XIST: variants seen among roughly 807,000 people sequenced by gnomAD.
XIST encodes X inactive specific transcript, also known as X inactive specific transcript (non-protein coding).
rs753853402 is a variant in XIST, at chrX:73,826,023, A to C, written n.13878T>G. On this transcript the variant is annotated non_coding_transcript_exon_variant, in exon 6 of 6. Coordinates refer to ENST00000429829, the Ensembl canonical transcript of XIST. The stretch of plus-strand genomic sequence containing the variant: ...GGCCACTACTATGAGCAGGGAGTTC[A>C]GGCTGTCCCCTTGGGACCTCGCTTT... The C allele has an allele frequency of 5.4e-6, 3 of 559,186 alleles. No homozygotes were observed. The South Asian group carries it at 6.7e-5, about 12-fold the overall frequency. The allele number at this position is 559,186 out of a possible 1,213,427, so 46.1% of individuals were successfully genotyped here.
chrX:73,844,378 G>A lies in XIST; in HGVS notation n.8346C>T, dbSNP rs778537695. 7.2e-6 allele frequency: 4 copies of A among 558,556 alleles called. No homozygotes were observed. In the Admixed American group the frequency reaches 8.9e-5, roughly 12 times the overall value. The allele number at this position is 558,556 out of a possible 1,213,427, so 46.0% of individuals were successfully genotyped here. On this transcript the variant is annotated non_coding_transcript_exon_variant, in exon 1 of 6. Transcript: ENST00000429829. ...TACTCCTTGTTGAAAAGCAAAGGGA[G>A]TCCATGAGAAGGTGCCCTTATCTAG... is the stretch of plus-strand genomic sequence containing the variant.
At chrX:73,831,002 G>A (rs1167173947) in intron 4 of XIST, 1 of 518,864 alleles carries the variant, frequency 1.9e-6, no homozygotes, top group Non-Finnish European at 3.5e-6. Flanking sequence ...TAAGTGCAAT[G>A]TATACTGGAA....
In XIST at chrX:73,822,961, A is replaced by C. The variant is rs747317236; in HGVS notation, n.16940T>G. On this transcript the variant is annotated non_coding_transcript_exon_variant, in exon 6 of 6. Transcript: ENST00000429829. ...TTTCCACCATAAGATAAATGAGATA[A>C]AGTGCACTTTGGTTTACGTCTTTCA... 2.5e-5 allele frequency: 14 copies of C among 557,390 alleles called. No individual in the cohort carries two copies. In the East Asian group the frequency reaches 4.6e-4, roughly 18 times the overall value. 45.9% of individuals were successfully genotyped at this position (557,390 alleles called of 1,213,427 possible).
chrX:73,835,294 T>C (rs1203725127), intron 2 of XIST, among the ~76,000 whole-genome samples: 2 of 112,279 alleles, frequency 1.8e-5, no homozygotes, highest in African/African-American at 3.2e-5. Flanking sequence ...GCAAATGTTC[T>C]AGTTTTGTTG....
rs762276823 is a variant in XIST, at chrX:73,847,693, C to T, written n.5031G>A. 9 of 538,101 alleles carry T rather than the reference C, an allele frequency of 1.7e-5. No individual in the cohort carries two copies. In the South Asian group the frequency reaches 2.1e-4, roughly 13 times the overall value. The allele number at this position is 538,101 out of a possible 1,213,427, so 44.3% of individuals were successfully genotyped here. ...TTGAAATGTCTTAGACAATTGAAAT[C>T]AATTAGGCAATTGAAAATATGCACA... is the stretch of plus-strand genomic sequence containing the variant. On this transcript the variant is annotated non_coding_transcript_exon_variant, in exon 1 of 6. Transcript: ENST00000429829.
At chrX:73,826,802 T>C in exon 6 of XIST, 1 of 557,143 alleles carries the variant, frequency 1.8e-6, no homozygotes, top group South Asian at 2.2e-5. Flanking sequence ...CATCCTTGGG[T>C]TGTAGGTCTT....
exon 6 of XIST, chrX:73,827,494 A>G (rs1012106872): frequency 1.9e-6 from 1 of 535,316 alleles, no homozygotes; most frequent in Non-Finnish European, 3.4e-6. Flanking sequence ...TGAGGCACGC[A>G]GGGGAGGAGA....
exon 1 of XIST, chrX:73,851,937 G>A: frequency 1.8e-6 from 1 of 558,045 alleles, no homozygotes; most frequent in Non-Finnish European, 3.2e-6. Context: ...AAAAAAAAGT[G>A]TAGATATTCC....
exon 1 of XIST, chrX:73,843,320 G>A (rs766630454): frequency 3.1e-5 from 17 of 556,757 alleles, no homozygotes; most frequent in Non-Finnish European, 4.9e-5. Context: ...TGTAAGCAAC[G>A]AGGAAGCAGG....
chrX:73,845,676 T>C (rs1277619638), exon 1 of XIST: 16 of 548,880 alleles, frequency 2.9e-5, no homozygotes, highest in Non-Finnish European at 4.6e-5. Flanking sequence ...GGATGGGCCA[T>C]GTGCAGTTAC....
exon 1 of XIST, chrX:73,845,989 G>A (rs1922750982): frequency 1.8e-6 from 1 of 548,548 alleles, no homozygotes; most frequent in Admixed American, 2.3e-5. Context: ...AAGTGGTTAT[G>A]CACATTAATG....
exon 1 of XIST, chrX:73,844,415 A>G (rs777497208): frequency 5.4e-6 from 3 of 558,715 alleles, no homozygotes; most frequent in Non-Finnish European, 6.5e-6. Context: ...ACACAAGAAT[A>G]TAGACAAGCC....
At chrX:73,830,306 C>T (rs1922354247) in intron 4 of XIST, among the ~76,000 whole-genome samples, 1 of 111,999 alleles carries the variant, frequency 8.9e-6, no homozygotes, top group African/African-American at 3.2e-5. Context: ...TCTAAATCTA[C>T]AGAGATTTCT....
chrX:73,822,697 G>A, exon 6 of XIST: 1 of 538,885 alleles, frequency 1.9e-6, no homozygotes, highest in Non-Finnish European at 3.3e-6. Context: ...TGTTTTTGTT[G>A]CATCTCCAAG....
chrX:73,830,992 T>C (rs1169331272), intron 4 of XIST: 6 of 500,761 alleles, frequency 1.2e-5, no homozygotes, highest in Non-Finnish European at 2.2e-5. Flanking sequence ...AGTGAAACAC[T>C]AAGTGCAATG....
intron 5 of XIST, chrX:73,828,819 C>G: frequency 3.5e-6 from 1 of 284,196 alleles, no homozygotes. Context: ...AGGGCCTATA[C>G]AGTGAAGACA....
intron 2 of XIST, among the ~76,000 whole-genome samples, chrX:73,834,406 C>G (rs1922442051): frequency 8.9e-6 from 1 of 112,608 alleles, no homozygotes; most frequent in Non-Finnish European, 1.9e-5. Flanking sequence ...ATGACATACT[C>G]AAAGAGCATT....
exon 1 of XIST, chrX:73,850,970 C>T (rs753313142): frequency 5.4e-6 from 3 of 559,145 alleles, no homozygotes; most frequent in East Asian, 6.5e-5. Context: ...GAGACATACA[C>T]GTGGCCCCTC....
At chrX:73,823,074 G>A (rs767308265) in exon 6 of XIST, 2 of 552,641 alleles carry the variant, frequency 3.6e-6, no homozygotes, top group South Asian at 2.3e-5. Flanking sequence ...TTGCTCATAT[G>A]TCTTCCTGTC....
Sources: allele counts gnomAD v4.1 joint callset (sites outside exome capture counted in the v4.1 genomes callset), GRCh38; gene constraint gnomAD v4.1.1; transcripts MANE v1.5; gene names NCBI Gene and HGNC (gene_info 2026-07-23, HGNC 2026-07-21).